The following PPFIA1 variants were observed in gnomAD, a reference collection of about 807,000 sequenced individuals.
PPFIA1 encodes the protein PPFI scaffold protein A1, also known as liprin-alpha-1.
A neutral mutation model predicts 149.9 loss-of-function variants in PPFIA1; 25 were observed. The observed-to-expected ratio is 0.17, with a 90% confidence interval of 0.12 to 0.23. The LOEUF is 0.23. Among genes scored for constraint, PPFIA1 ranks in the 10% least tolerant of loss-of-function variants. The probability of loss-of-function intolerance (pLI) is 1.00; values close to 1 mark genes in which losing one functional copy is unlikely to be tolerated. For missense variants in PPFIA1, 1,362 were observed against 1,506.5 expected (o/e 0.90, Z 1.59); for synonymous variants, 549 against 552.8 (o/e 0.99, Z 0.10).
chr11:70,349,305 T>C (rs2055909562), intron 16 of PPFIA1, among the ~76,000 whole-genome samples: 1 of 152,114 alleles, frequency 6.6e-6, no homozygotes, highest in African/African-American at 2.4e-5. Context: ...GTTTGGTGTT[T>C]GCAAAGTGTG....
chr11:70,326,434 A>C, intron 6 of PPFIA1, 71 bp downstream of exon 6: 1 of 1,417,404 alleles, frequency 7.1e-7, no homozygotes, highest in Non-Finnish European at 9.8e-7. Context: ...GTTATGTGGA[A>C]AACAGTTGCT....
At chr11:70,299,365 G>A (rs762021684) in intron 2 of PPFIA1, among the ~76,000 whole-genome samples, 6 of 152,194 alleles carry the variant, frequency 3.9e-5, no homozygotes, top group African/African-American at 7.2e-5. Context: ...TGCTTCTGCT[G>A]ACATCTCTCT....
chr11:70,285,845 A>G (rs919375632), intron 2 of PPFIA1, among the ~76,000 whole-genome samples: 4 of 152,174 alleles, frequency 2.6e-5, no homozygotes, highest in Admixed American at 2.6e-4. Flanking sequence ...GAGTGTCTGT[A>G]TGTGGCATGC....
At chr11:70,350,988 T>C in intron 16 of PPFIA1, 1 of 1,255,452 alleles carries the variant, frequency 8.0e-7, no homozygotes, top group South Asian at 1.4e-5. Flanking sequence ...TGCATGCATC[T>C]ATCAGCCTAG....
chr11:70,367,108 G>A (rs1216174349), intron 21 of PPFIA1, among the ~76,000 whole-genome samples: 1 of 152,198 alleles, frequency 6.6e-6, no homozygotes. Flanking sequence ...AATTGCCTGA[G>A]TCAGGGACAG....
chr11:70,361,468 C>T (rs892157753), intron 19 of PPFIA1, among the ~76,000 whole-genome samples: 5 of 152,086 alleles, frequency 3.3e-5, no homozygotes, highest in Non-Finnish European at 7.4e-5. Context: ...TTTTGATCTG[C>T]AGTTGGTTGA....
At chr11:70,337,969 A>G (rs1052243511) in intron 12 of PPFIA1, among the ~76,000 whole-genome samples, 2 of 152,232 alleles carry the variant, frequency 1.3e-5, no homozygotes, top group Non-Finnish European at 2.9e-5. Context: ...AATGAGATCA[A>G]GTATACCCAT....
At chr11:70,360,835 A>C (rs1171919196) in intron 19 of PPFIA1, among the ~76,000 whole-genome samples, 1 of 152,250 alleles carries the variant, frequency 6.6e-6, no homozygotes, top group African/African-American at 2.4e-5. Flanking sequence ...AAATGGACTA[A>C]AAGCAGCCTA....
intron 2 of PPFIA1, among the ~76,000 whole-genome samples, chr11:70,295,986 C>T (rs1297637306): frequency 1.3e-5 from 2 of 151,986 alleles, no homozygotes; most frequent in Admixed American, 6.5e-5. Context: ...GGCAGAGACG[C>T]TCCTCACCTC....
chr11:70,348,385 G>C lies in PPFIA1; in HGVS notation c.2128G>C (p.Ala710Pro). 1 of 1,613,794 alleles carries C rather than the reference G, an allele frequency of 6.2e-7. No individual in the cohort carries two copies. Among genetic ancestry groups the C allele is most frequent in the Non-Finnish European group, 8.5e-7 (1 of 1,179,670 alleles). ...STPRRIPHSPAREVDRLGVMT... is the reference protein window; with the variant it reads ...STPRRIPHSPPREVDRLGVMT... Reference sequence around the variant, plus strand: ...CCCACGAAGGATCCCTCACAGCCCAGCTCGGGAAGTGGACAGACTGGGCGT... The same window carrying C: ...CCCACGAAGGATCCCTCACAGCCCACCTCGGGAAGTGGACAGACTGGGCGT... Residue 710 changes from alanine to proline, a missense_variant, in exon 16 of 28, where the codon GCT becomes CCT. Physicochemically the swap from Ala to Pro is conservative, Grantham distance 27. Around this residue, in one of 7 missense-constraint regions of PPFIA1, gnomAD observed 733 missense variants for 744.1 expected, o/e 0.99. Coordinates refer to ENST00000253925, the MANE Select transcript of PPFIA1 (RefSeq NM_003626.5).
At chr11:70,382,273 A>C (rs778372732) in intron 27 of PPFIA1, 115 bp downstream of exon 27, 2 of 650,150 alleles carry the variant, frequency 3.1e-6, no homozygotes, top group Non-Finnish European at 5.3e-6. Context: ...GTTTTTGGGG[A>C]ATTTAAAATA....
At chr11:70,278,165 T>G (rs2050529535) in intron 2 of PPFIA1, among the ~76,000 whole-genome samples, 1 of 151,808 alleles carries the variant, frequency 6.6e-6, no homozygotes, top group African/African-American at 2.4e-5. Flanking sequence ...CTCGTCAGCC[T>G]CCCAAAGTGC....
At chr11:70,337,909 A>G (rs1403349036) in intron 12 of PPFIA1, among the ~76,000 whole-genome samples, 1 of 152,240 alleles carries the variant, frequency 6.6e-6, no homozygotes, top group African/African-American at 2.4e-5. Flanking sequence ...CTAACCCATT[A>G]CAGGGCTCAG....
At chr11:70,349,727 T>C (rs1391227732) in intron 16 of PPFIA1, among the ~76,000 whole-genome samples, 3 of 152,224 alleles carry the variant, frequency 2.0e-5, no homozygotes, top group African/African-American at 4.8e-5. Flanking sequence ...CATCATCTAC[T>C]AATTAGGTAA....
intron 10 of PPFIA1, among the ~76,000 whole-genome samples, chr11:70,334,835 T>A (rs886877220): frequency 1.3e-5 from 2 of 152,206 alleles, no homozygotes; most frequent in Non-Finnish European, 2.9e-5. Flanking sequence ...AGGAGCCCCC[T>A]GAGCACTGCA....
chr11:70,361,536 G>A lies in PPFIA1; in HGVS notation c.2583-559G>A, dbSNP rs144370674. 6.0e-3 allele frequency among the ~76,000 whole-genome samples: 911 copies of A among 152,152 alleles called. 10 individuals are homozygous for A. The highest frequency in any genetic ancestry group is 0.02 in the African/African-American group (824 of 41,506). ...GCAGACTGTATACTGCTAGACTTTT[G>A]CAAATGCTCAGAACACTTCGTTAAC... On this transcript the variant is annotated intron_variant, in intron 19 of 27. Coordinates refer to ENST00000253925, the MANE Select transcript of PPFIA1 (RefSeq NM_003626.5).
At chr11:70,277,690 C>G (rs962261941) in intron 2 of PPFIA1, among the ~76,000 whole-genome samples, 1 of 151,988 alleles carries the variant, frequency 6.6e-6, no homozygotes, top group African/African-American at 2.4e-5. Flanking sequence ...TGGGTTTCAC[C>G]ATGTTGGCCA....
rs576943340 is a variant in PPFIA1 at position 70,325,605 on chromosome 11, T to TG, written c.606+40dup. 2,765 of 1,392,020 alleles carry TG rather than the reference T, an allele frequency of 2.0e-3. 6 individuals are homozygous for TG. The highest frequency in any genetic ancestry group is 0.014 in the African/African-American group (947 of 68,358). 86.2% of individuals were successfully genotyped at this position (1,392,020 alleles called of 1,614,324 possible). On this transcript the variant is annotated intron_variant, in intron 5 of 27. Transcript: ENST00000253925. ...CTTGAGACTTCATCATGAGTTGAAT[T>TG]GGGGGGGGGTTATTTTTATCCTTTA...
At chr11:70,333,374 G>A (rs936284388) in intron 9 of PPFIA1, 96 bp from the exon 10 acceptor site, 16 of 914,672 alleles carry the variant, frequency 1.7e-5, no homozygotes, top group African/African-American at 3.3e-5. Flanking sequence ...AGCAGCCCAC[G>A]CAGAGCATGT....
Sources: allele counts gnomAD v4.1 joint callset (sites outside exome capture counted in the v4.1 genomes callset), GRCh38; gene constraint gnomAD v4.1.1; regional missense constraint gnomAD v4.1.1; transcripts MANE v1.5; gene names NCBI Gene and HGNC (gene_info 2026-07-23, HGNC 2026-07-21).